The following PXDNL variants were observed in gnomAD, a reference collection of about 807,000 sequenced individuals.
The protein encoded by PXDNL is peroxidasin like, also known as probable oxidoreductase PXDNL.
A neutral mutation model predicts 150.8 loss-of-function variants in PXDNL; 145 were observed. The observed-to-expected ratio is 0.96, with a 90% CI of 0.84 to 1.10. PXDNL has a LOEUF of 1.10. Ranked by LOEUF, PXDNL falls within the 50% of genes least tolerant of loss-of-function variation. PXDNL has a pLI of 0.00. For synonymous variants in PXDNL, 757 were observed against 725.7 expected (o/e 1.04, Z -0.69); for missense variants, 2,087 against 1,873.9 (o/e 1.11, Z -2.10).
intron 21 of PXDNL, among the ~76,000 whole-genome samples, chr8:51,337,137 C>T (rs1193461793): frequency 2.6e-5 from 4 of 152,114 alleles, no homozygotes; most frequent in South Asian, 4.1e-4. Flanking sequence ...ACTAAGAATG[C>T]TACTAAACAC....
At chr8:51,440,377 A>G (rs773575730) in intron 12 of PXDNL, among the ~76,000 whole-genome samples, 1 of 152,112 alleles carries the variant, frequency 6.6e-6, no homozygotes, top group Non-Finnish European at 1.5e-5. Flanking sequence ...ATCACCACTA[A>G]AGAACTTATT....
chr8:51,631,299 G>C (rs890151460), intron 2 of PXDNL, among the ~76,000 whole-genome samples: 1 of 150,224 alleles, frequency 6.7e-6, no homozygotes, highest in African/African-American at 2.5e-5. Context: ...AATGGGAGGA[G>C]GGAAAAAAAT....
intron 4 of PXDNL, among the ~76,000 whole-genome samples, chr8:51,524,104 C>T (rs528678442): frequency 1.3e-5 from 2 of 151,454 alleles, no homozygotes; most frequent in African/African-American, 4.9e-5. Context: ...GGATTTGCCA[C>T]CTCGGTTCCT....
chr8:51,652,459 A>G (rs1563496471), intron 2 of PXDNL, among the ~76,000 whole-genome samples: 1 of 149,714 alleles, frequency 6.7e-6, no homozygotes, highest in Non-Finnish European at 1.5e-5. Context: ...ACACACACAC[A>G]CAAACACACA....
chr8:51,381,822 T>A (rs1327633951), intron 17 of PXDNL, among the ~76,000 whole-genome samples: 1 of 151,366 alleles, frequency 6.6e-6, no homozygotes, highest in African/African-American at 2.4e-5. Context: ...CCAGCTAATT[T>A]TTTTTTTTTG....
At chr8:51,618,576 C>G (rs1483566790) in intron 2 of PXDNL, among the ~76,000 whole-genome samples, 1 of 152,180 alleles carries the variant, frequency 6.6e-6, no homozygotes, top group Non-Finnish European at 1.5e-5. Context: ...TGATAGGAGG[C>G]CTCGCAATAA....
intron 17 of PXDNL, among the ~76,000 whole-genome samples, chr8:51,380,290 C>T (rs1008430094): frequency 1.3e-5 from 2 of 152,170 alleles, no homozygotes; most frequent in Admixed American, 6.5e-5. Flanking sequence ...TCAAGCCACC[C>T]TACCATGTTC....
intron 14 of PXDNL, among the ~76,000 whole-genome samples, chr8:51,422,329 A>G (rs1222211874): frequency 6.6e-6 from 1 of 152,202 alleles, no homozygotes; most frequent in Non-Finnish European, 1.5e-5. Context: ...CGGTCAGTGG[A>G]AAAATTGTCT....
chr8:51,408,769 G>A lies in PXDNL; in HGVS notation c.2855C>T (p.Pro952Leu). ...CCGGTGGTCCCCGGCCAGGAAACAG[G>A]GGCTCTCCTGCTCCTGTCGCGCGCA... ...TECARQEQES[P>L]CFLAGDHRAN... Residue 952 changes from proline to leucine, a missense_variant, in exon 17 of 23, where the codon CCC (proline) becomes CTC (leucine). Pro to Leu is a moderately conservative substitution (Grantham distance 98). Transcript: ENST00000356297. The A allele has an allele frequency of 6.3e-7, 1 of 1,585,770 alleles. No individual in the cohort carries two copies. The highest frequency in any genetic ancestry group is 8.6e-7 in the Non-Finnish European group (1 of 1,166,520).
At chr8:51,434,237 T>G (rs1809333772) in intron 12 of PXDNL, among the ~76,000 whole-genome samples, 1 of 152,382 alleles carries the variant, frequency 6.6e-6, no homozygotes, top group South Asian at 2.1e-4. Context: ...CTGTTGCTAC[T>G]GACATAAAGC....
intron 1 of PXDNL, among the ~76,000 whole-genome samples, chr8:51,723,084 T>TA (rs1816760527): frequency 6.7e-6 from 1 of 148,528 alleles, no homozygotes; most frequent in African/African-American, 2.5e-5. Context: ...CCACACACAA[T>TA]AAAAAAAGAA....
At chr8:51,407,534 C>T (rs1808470080) in intron 17 of PXDNL, among the ~76,000 whole-genome samples, 1 of 152,124 alleles carries the variant, frequency 6.6e-6, no homozygotes. Context: ...TTTAATGAAA[C>T]TTCAAATCCC....
intron 2 of PXDNL, among the ~76,000 whole-genome samples, chr8:51,639,059 G>A (rs149496422): frequency 0.019 from 2,840 of 152,216 alleles, 88 homozygotes; most frequent in African/African-American, 0.063. Context: ...GCTCAAAACC[G>A]CTCAACTACA....
At chr8:51,691,436 C>A (rs1468348741) in intron 1 of PXDNL, among the ~76,000 whole-genome samples, 1 of 151,986 alleles carries the variant, frequency 6.6e-6, no homozygotes, top group Non-Finnish European at 1.5e-5. Context: ...AATCTTTTCC[C>A]CTTTGCTTGT....
chr8:51,333,919 A>C (rs1805766489), intron 21 of PXDNL, among the ~76,000 whole-genome samples: 1 of 152,208 alleles, frequency 6.6e-6, no homozygotes, highest in Non-Finnish European at 1.5e-5. Context: ...ATCAAGACAG[A>C]AAATCAACAA....
intron 17 of PXDNL, among the ~76,000 whole-genome samples, chr8:51,392,059 CG>C (rs1189723346): frequency 6.6e-6 from 1 of 152,050 alleles, no homozygotes; most frequent in African/African-American, 2.4e-5. Context: ...AGATATGTGA[CG>C]TTATTTCTAA....
intron 19 of PXDNL, among the ~76,000 whole-genome samples, chr8:51,354,857 T>C (rs776943385): frequency 2.0e-5 from 3 of 152,106 alleles, no homozygotes; most frequent in Admixed American, 1.3e-4. Context: ...GGGAATGCTT[T>C]GTACTCTATG....
chr8:51,768,182 C>T, intron 1 of PXDNL, among the ~76,000 whole-genome samples: 1 of 152,186 alleles, frequency 6.6e-6, no homozygotes, highest in Non-Finnish European at 1.5e-5. Flanking sequence ...TATAAATGTT[C>T]CTTCAACTGT....
chr8:51,559,342 C>T (rs1037410642), intron 3 of PXDNL, among the ~76,000 whole-genome samples: 35 of 141,608 alleles, frequency 2.5e-4, no homozygotes, highest in African/African-American at 4.4e-4. Flanking sequence ...CCCCCCCCCC[C>T]CCGCCACCTT....
Sources: allele counts gnomAD v4.1 joint callset (sites outside exome capture counted in the v4.1 genomes callset), GRCh38; gene constraint gnomAD v4.1.1; transcripts MANE v1.5; gene names NCBI Gene and HGNC (gene_info 2026-07-23, HGNC 2026-07-21).